TPTE2: variants seen among roughly 807,000 people sequenced by gnomAD.
The protein encoded by TPTE2 is transmembrane phosphoinositide 3-phosphatase and tensin homolog 2.
A neutral mutation model predicts 78.6 loss-of-function variants in TPTE2; 53 were observed. The observed-to-expected ratio is 0.67, with a 90% CI of 0.54 to 0.85. The LOEUF (loss-of-function observed/expected upper bound fraction) is 0.85. Among genes scored for constraint, TPTE2 ranks in the 40% least tolerant of loss-of-function variants. TPTE2 has a pLI of 0.00. For synonymous variants in TPTE2, 175 were observed against 206.2 expected, an observed-to-expected ratio of 0.85 and a Z score of 1.30; for missense variants, 461 against 623.0, an observed-to-expected ratio of 0.74 and a Z score of 2.77.
At chr13:19,425,009 A>T (rs974493472) in exon 19 of TPTE2, 2 of 1,529,054 alleles carry the variant, frequency 1.3e-6, no homozygotes, top group African/African-American at 2.8e-5. Context: ...CATAGTATTT[A>T]GGAAGATTCT....
chr13:19,454,682 A>T (rs1878429350), intron 10 of TPTE2, among the ~76,000 whole-genome samples: 1 of 152,236 alleles, frequency 6.6e-6, no homozygotes, highest in Non-Finnish European at 1.5e-5. Flanking sequence ...TGCCCCAAGG[A>T]GATAACAGTT....
At chr13:19,560,118 G>GC in the TPTE2 span, 1 of 544,940 alleles carries the variant, frequency 1.8e-6, no homozygotes, top group African/African-American at 2.5e-5. Flanking sequence ...CCGCTGTCTG[G>GC]TGGAGGAGCG....
chr13:19,540,484 T>C (rs1323903652), upstream of TPTE2, among the ~76,000 whole-genome samples: 1 of 151,876 alleles, frequency 6.6e-6, no homozygotes, highest in East Asian at 1.9e-4. Context: ...TTTGTATTTT[T>C]AGTAGAGATG....
At chr13:19,536,288 C>T (rs1566081556) in intron 1 of TPTE2, among the ~76,000 whole-genome samples, 1 of 152,162 alleles carries the variant, frequency 6.6e-6, no homozygotes, top group East Asian at 1.9e-4. Context: ...CTGTTACATA[C>T]AAAATATGTA....
intron 10 of TPTE2, among the ~76,000 whole-genome samples, chr13:19,456,956 A>G (rs1168635457): frequency 6.6e-6 from 1 of 152,238 alleles, no homozygotes; most frequent in African/African-American, 2.4e-5. Context: ...AATTAAAACT[A>G]TGGTCTGGAC....
intron 1 of TPTE2, among the ~76,000 whole-genome samples, chr13:19,526,365 A>C (rs1593420228): frequency 6.6e-6 from 1 of 152,266 alleles, no homozygotes; most frequent in East Asian, 1.9e-4. Context: ...TAAAATAAAA[A>C]CAAGATCATG....
the TPTE2 span, among the ~76,000 whole-genome samples, chr13:19,546,209 G>GA: frequency 6.6e-5 from 10 of 150,580 alleles, no homozygotes; most frequent in East Asian, 5.8e-4. Context: ...TAAAAGAAAA[G>GA]AAAAAAAAAC....
rs376970514 is a variant in TPTE2 at position 19,451,175 on chromosome 13, G to A, written c.792C>T (p.Tyr264=). The change falls in exon 11 of 20, where the codon TAC becomes TAT. Residue 264 remains tyrosine (Y), a synonymous_variant. Coordinates refer to ENST00000400230, the Ensembl canonical transcript of TPTE2. ...GAGTAATGTACATACTGCATAGATTGTAGACTCGATAGTGGTTTCGATGTT... is the reference window on the plus strand; with the variant it reads ...GAGTAATGTACATACTGCATAGATTATAGACTCGATAGTGGTTTCGATGTT... The A allele has an allele frequency of 3.1e-6, 5 of 1,613,262 alleles. No homozygotes were observed. The African/African-American group carries it at 6.7e-5, about 22-fold the overall frequency.
At chr13:19,554,874 T>C in the TPTE2 span, among the ~76,000 whole-genome samples, 1 of 152,226 alleles carries the variant, frequency 6.6e-6, no homozygotes, top group Admixed American at 6.5e-5. Flanking sequence ...CATCTGATAC[T>C]GGGAAACAAT....
intron 1 of TPTE2, among the ~76,000 whole-genome samples, chr13:19,529,218 T>C (rs1367939903): frequency 6.6e-6 from 1 of 152,164 alleles, no homozygotes; most frequent in Non-Finnish European, 1.5e-5. Flanking sequence ...GACAATGAGT[T>C]CTAGATGACA....
chr13:19,460,222 C>G (rs1331728328), intron 10 of TPTE2, among the ~76,000 whole-genome samples: 1 of 152,232 alleles, frequency 6.6e-6, no homozygotes, highest in Non-Finnish European at 1.5e-5. Context: ...TCTCTTGATC[C>G]ATGGCTTGCA....
intron 13 of TPTE2, among the ~76,000 whole-genome samples, chr13:19,441,067 AC>A (rs1402962397): frequency 4.0e-5 from 6 of 151,842 alleles, no homozygotes; most frequent in Admixed American, 1.3e-4. Context: ...AGCCTGGGCA[AC>A]AAGAGCAAAA....
intron 7 of TPTE2, among the ~76,000 whole-genome samples, chr13:19,465,782 A>G (rs1339830444): frequency 6.6e-6 from 1 of 152,154 alleles, no homozygotes; most frequent in African/African-American, 2.4e-5. Flanking sequence ...CATCTAGTGA[A>G]TAGAGGCCAG....
intron 1 of TPTE2, among the ~76,000 whole-genome samples, chr13:19,525,110 C>G (rs1211234934): frequency 6.6e-6 from 1 of 152,030 alleles, no homozygotes; most frequent in Non-Finnish European, 1.5e-5. Context: ...TACTACACAG[C>G]TTAGGTGAGA....
At chr13:19,521,628 T>G (rs1020627576) in intron 1 of TPTE2, among the ~76,000 whole-genome samples, 1 of 152,098 alleles carries the variant, frequency 6.6e-6, no homozygotes, top group African/African-American at 2.4e-5. Flanking sequence ...TTTTATTTCT[T>G]TGTCATTTCT....
At chr13:19,438,019 G>A (rs886269579) in intron 14 of TPTE2, 73 bp downstream of exon 17, 17 of 1,564,352 alleles carry the variant, frequency 1.1e-5, no homozygotes, top group African/African-American at 4.1e-5. Context: ...TCATCTTAAC[G>A]TCCTACCAGC....
intron 10 of TPTE2, among the ~76,000 whole-genome samples, chr13:19,460,319 A>C (rs1593370054): frequency 6.6e-6 from 1 of 152,112 alleles, no homozygotes; most frequent in East Asian, 1.9e-4. Flanking sequence ...CTTTGGCTCC[A>C]TGCCGCCCCC....
intron 1 of TPTE2, among the ~76,000 whole-genome samples, chr13:19,495,904 T>A (rs1376658794): frequency 6.6e-6 from 1 of 152,184 alleles, no homozygotes; most frequent in East Asian, 1.9e-4. Flanking sequence ...AGTCTCACTC[T>A]GTCACCCAAG....
chr13:19,505,842 T>G (rs945727706), upstream of TPTE2: 10 of 152,014 alleles, frequency 6.6e-5, no homozygotes, highest in African/African-American at 2.4e-4. Context: ...CAGAGGTTCG[T>G]TCCTAAGGGA....
Sources: gnomAD v4.1 joint callset for allele counts (sites outside exome capture counted in the v4.1 genomes callset) on GRCh38, gnomAD v4.1.1 for gene constraint, MANE v1.5 for transcripts, NCBI Gene and HGNC (gene_info 2026-07-23, HGNC 2026-07-21) for gene names.